PTCSC3: variants seen among roughly 807,000 people sequenced by gnomAD.
PTCSC3 encodes papillary thyroid carcinoma susceptibility candidate 3, also known as papillary thyroid carcinoma susceptibility candidate 3 (non-protein coding).
At chr14:36,144,226 T>C (rs28826328) in intron 3 of PTCSC3, among the ~76,000 whole-genome samples, 1 of 148,112 alleles carries the variant, frequency 6.8e-6, no homozygotes, top group Admixed American at 6.7e-5. Flanking sequence ...GGGGATGGCG[T>C]TGAATCTGTA....
intron 3 of PTCSC3, among the ~76,000 whole-genome samples, chr14:36,147,916 C>A (rs961872942): frequency 1.3e-5 from 2 of 152,008 alleles, no homozygotes; most frequent in Non-Finnish European, 2.9e-5. Context: ...TTGGAATACC[C>A]TGCCGTGTGA....
Position 36,163,399 on chromosome 14 carries a change from G to C in PTCSC3, n.172-716C>G, listed in dbSNP as rs75601770. 3.8e-3 allele frequency among the ~76,000 whole-genome samples: 567 copies of C among 150,834 alleles called. 15 individuals carry two copies. In the East Asian group the frequency reaches 0.049, roughly 13 times the overall value. On this transcript the variant is annotated intron_variant and non_coding_transcript_variant, in intron 1 of 3. Coordinates refer to ENST00000556013, the Ensembl canonical transcript of PTCSC3. ...AATCCAGCCTTAACAATGGAAATTG[G>C]AAAAAGCAACTAGACACCATGGAGG...
chr14:36,162,021 G>A (rs1005041180), intron 2 of PTCSC3, among the ~76,000 whole-genome samples: 6 of 152,084 alleles, frequency 3.9e-5, no homozygotes, highest in African/African-American at 1.4e-4. Flanking sequence ...GGGTAAAACC[G>A]CCTACTCACA....
At chr14:36,147,162 A>C (rs1035930240) in intron 3 of PTCSC3, among the ~76,000 whole-genome samples, 3 of 151,954 alleles carry the variant, frequency 2.0e-5, no homozygotes, top group Non-Finnish European at 4.4e-5. Context: ...CTTCTGGAGG[A>C]GTATCTTTGT....
intron 3 of PTCSC3, among the ~76,000 whole-genome samples, chr14:36,147,513 T>A (rs1358418782): frequency 1.3e-5 from 2 of 152,238 alleles, no homozygotes; most frequent in Admixed American, 6.5e-5. Flanking sequence ...TTTGGCTCCA[T>A]CAGCTCCTTT....
intron 2 of PTCSC3, among the ~76,000 whole-genome samples, chr14:36,160,788 A>C (rs538643487): frequency 6.6e-6 from 1 of 151,644 alleles, no homozygotes; most frequent in Non-Finnish European, 1.5e-5. Context: ...AGGTTGGGGG[A>C]GTTCTCCTGG....
At chr14:36,146,308 T>C (rs1414407971) in intron 3 of PTCSC3, among the ~76,000 whole-genome samples, 1 of 148,852 alleles carries the variant, frequency 6.7e-6, no homozygotes, top group East Asian at 1.9e-4. Context: ...ATTCTCTTTG[T>C]AGGTCACTCA....
chr14:36,140,965 T>G (rs1486953283), intron 3 of PTCSC3, among the ~76,000 whole-genome samples: 2 of 152,186 alleles, frequency 1.3e-5, no homozygotes, highest in Non-Finnish European at 1.5e-5. Flanking sequence ...GTCCAGTTTT[T>G]GTAGTACCAT....
At chr14:36,147,609 T>G (rs369324735) in intron 3 of PTCSC3, among the ~76,000 whole-genome samples, 11 of 152,068 alleles carry the variant, frequency 7.2e-5, no homozygotes, top group African/African-American at 1.2e-4. Flanking sequence ...TGGTTTGAAT[T>G]TCCTCCCGTA....
chr14:36,147,898 C>T (rs1419447313), intron 3 of PTCSC3, among the ~76,000 whole-genome samples: 1 of 151,922 alleles, frequency 6.6e-6, no homozygotes, highest in Non-Finnish European at 1.5e-5. Context: ...CCCTCAGCTG[C>T]AGGTCTGTTG....
At chr14:36,162,073 T>C (rs1881968063) in intron 2 of PTCSC3, among the ~76,000 whole-genome samples, 1 of 151,736 alleles carries the variant, frequency 6.6e-6, no homozygotes, top group Admixed American at 6.6e-5. Flanking sequence ...CAAGCTCGAG[T>C]GTCCCAGGTC....
In PTCSC3 at chr14:36,167,141, C is replaced by G. The variant is rs572074358; in HGVS notation, n.172-4458G>C. ...TTGTAAAAGAGAAACCATTTTAAAC[C>G]CAGCAATAGTGAGTGCAAACTTATT... On this transcript the variant is annotated intron_variant and non_coding_transcript_variant, in intron 1 of 3. Coordinates refer to ENST00000556013, the Ensembl canonical transcript of PTCSC3. Among the ~76,000 whole-genome samples the G allele has an allele frequency of 1.6e-3, 243 of 152,222 alleles. 1 individual carries two copies. The highest frequency in any genetic ancestry group is 5.7e-3 in the African/African-American group (235 of 41,532).
intron 1 of PTCSC3, among the ~76,000 whole-genome samples, chr14:36,173,514 C>G (rs1882226149): frequency 6.6e-6 from 1 of 151,948 alleles, no homozygotes; most frequent in African/African-American, 2.4e-5. Context: ...TTAGCTAACT[C>G]TCAGCACCAT....
At chr14:36,143,195 A>G (rs1881467993) in intron 3 of PTCSC3, among the ~76,000 whole-genome samples, 1 of 148,528 alleles carries the variant, frequency 6.7e-6, no homozygotes. Flanking sequence ...GCTGGGTCAA[A>G]TGGTATTTCC....
rs114370385 is a variant in PTCSC3, at chr14:36,166,753, G to A, written n.172-4070C>T. Among the ~76,000 whole-genome samples the A allele has an allele frequency of 4.5e-3, 687 of 152,248 alleles. 7 individuals are homozygous for A. The highest frequency in any genetic ancestry group is 0.011 in the African/African-American group (455 of 41,546). ...TAGATCTTGCCTAATAGTGAATATC[G>A]TGAAACAACTGTGCAGGGATTGCCA... is the stretch of plus-strand genomic sequence containing the variant. On this transcript the variant is annotated intron_variant and non_coding_transcript_variant, in intron 1 of 3. Coordinates refer to ENST00000556013, the Ensembl canonical transcript of PTCSC3.
chr14:36,139,610 A>G (rs978633363), intron 3 of PTCSC3, among the ~76,000 whole-genome samples: 1 of 152,190 alleles, frequency 6.6e-6, no homozygotes, highest in African/African-American at 2.4e-5. Flanking sequence ...TAGATTCTAC[A>G]TGCAATTATG....
At chr14:36,135,158 G>T (rs1881257706), downstream of PTCSC3, among the ~76,000 whole-genome samples, 1 of 152,076 alleles carries the variant, frequency 6.6e-6, no homozygotes, top group Non-Finnish European at 1.5e-5. Flanking sequence ...AACGTATCAA[G>T]AAAGAAAAAT....
At chr14:36,162,499 G>C (rs1881987713) in intron 2 of PTCSC3, 1 of 152,298 alleles carries the variant, frequency 6.6e-6, no homozygotes, top group African/African-American at 2.4e-5. Context: ...CCGACCCCGT[G>C]CGCTTCCTGG....
At chr14:36,143,565 G>A (rs1006143872) in intron 3 of PTCSC3, among the ~76,000 whole-genome samples, 1 of 148,652 alleles carries the variant, frequency 6.7e-6, no homozygotes, top group East Asian at 2.0e-4. Context: ...TTAGCCCTTT[G>A]TCAGATGAGT....
Sources: allele counts gnomAD v4.1 joint callset (sites outside exome capture counted in the v4.1 genomes callset), GRCh38; gene constraint gnomAD v4.1.1; transcripts MANE v1.5; gene names NCBI Gene and HGNC (gene_info 2026-07-23, HGNC 2026-07-21).